SLC6A18: variants seen among roughly 807,000 people sequenced by gnomAD.
SLC6A18 encodes the protein solute carrier family 6 member 18, also known as inactive sodium-dependent neutral amino acid transporter B(0)AT3.
In SLC6A18, 58 loss-of-function variants were observed where a neutral mutation model predicts 62.9. The observed-to-expected ratio is 0.92, with a 90% CI of 0.75 to 1.15. The LOEUF (loss-of-function observed/expected upper bound fraction) is 1.15, where lower values mean the gene tolerates loss of function less well. Among genes scored for constraint, SLC6A18 ranks in the 50% most tolerant of loss-of-function variants. The pLI is 0.00. For synonymous variants in SLC6A18, 382 were observed against 365.8 expected, an observed-to-expected ratio of 1.04 and a Z score of -0.51; for missense variants, 793 against 836.6, an observed-to-expected ratio of 0.95 and a Z score of 0.64.
At chr5:1,244,175 C>CCACACCCAA in intron 9 of SLC6A18, 39 bp from the exon 10 acceptor site, 1 of 893,914 alleles carries the variant, frequency 1.1e-6, no homozygotes, top group Non-Finnish European at 1.8e-6. Context: ...CTCCACTCCC[C>CCACACCCAA]ATCCCCTTAC....
chr5:1,244,554 A>G, intron 10 of SLC6A18, 54 bp from the exon 11 acceptor site: 1 of 1,555,858 alleles, frequency 6.4e-7, no homozygotes, highest in Non-Finnish European at 8.7e-7. Flanking sequence ...CTCGGCTTGG[A>G]GTGGGTGGAC....
rs111592068 is a variant in SLC6A18 at position 1,243,823 on chromosome 5, C to T, written c.1336+64C>T. 3.2e-5 allele frequency: 46 copies of T among 1,454,840 alleles called. No homozygotes were observed. In the African/African-American group the frequency reaches 4.8e-4, roughly 15 times the overall value. 90.1% of individuals were successfully genotyped at this position (1,454,840 alleles called of 1,614,324 possible). On this transcript the variant is annotated intron_variant, in intron 9 of 11. Transcript: ENST00000324642. The surrounding 1 kb of genome is among the most constrained non-coding windows in gnomAD (Gnocchi z 6.5). ...CAGCATCTGACTGTCCACTCCCGCC[C>T]GCTGTCCAGACGCCCCTCCTGGATG... is the stretch of plus-strand genomic sequence containing the variant.
intron 1 of SLC6A18, among the ~76,000 whole-genome samples, chr5:1,230,265 C>A (rs1001836778): frequency 2.0e-5 from 3 of 152,140 alleles, no homozygotes; most frequent in African/African-American, 4.8e-5. Flanking sequence ...TTGGGGGTGT[C>A]CCCCCATTCA....
rs969695922 is a variant in SLC6A18, at chr5:1,243,933, G to T, written c.1336+174G>T. On this transcript the variant is annotated intron_variant, in intron 9 of 11. Coordinates refer to ENST00000324642, the MANE Select transcript of SLC6A18 (RefSeq NM_182632.3). This position sits in a 1 kb window ranked among gnomAD's most constrained non-coding sequence, Gnocchi z 6.5. The stretch of plus-strand genomic sequence containing the variant: ...GACAGCCATCAACGGAGAGCCGAGG[G>T]TCGAGGGAGGGTCAGGGCTGCCCCT... Among the ~76,000 whole-genome samples, 1 of 152,190 alleles carries T rather than the reference G, an allele frequency of 6.6e-6. No individual in the cohort carries two copies. The highest frequency in any genetic ancestry group is 6.5e-5 in the Admixed American group (1 of 15,286).
At chr5:1,232,075 A>C in intron 1 of SLC6A18, 144 bp from the exon 2 acceptor site, 2 of 710,858 alleles carry the variant, frequency 2.8e-6, no homozygotes, top group Non-Finnish European at 2.3e-6. Flanking sequence ...CAGTGCCCCA[A>C]GGGTGTCTCC....
chr5:1,244,171 T>TC (rs1747146970), intron 9 of SLC6A18, 43 bp from the exon 10 acceptor site: 533 of 588,388 alleles, frequency 9.1e-4, no homozygotes, highest in East Asian at 1.9e-3. Context: ...ACACCTCCAC[T>TC]CCCCATCCCC....
At position 1,243,572 on chromosome 5, in the gene SLC6A18, C is replaced by T. The variant is rs1391680152; in HGVS notation, c.1149C>T (p.Gly383=). ...DFLDKSASGP[G]LAFVVFTETD... is the part of the protein sequence containing the mutation. ...TATTGCAGAGTGCCTCGGGCCCGGG[C>T]CTGGCCTTCGTCGTCTTCACGGAGA... The change falls in exon 9 of 12, where the codon GGC becomes GGT. Residue 383 remains glycine, a synonymous_variant. Coordinates refer to ENST00000324642, the MANE Select transcript of SLC6A18 (RefSeq NM_182632.3). This position sits in a 1 kb window ranked among gnomAD's most constrained non-coding sequence, Gnocchi z 6.5. 2.5e-6 allele frequency: 4 copies of T among 1,613,610 alleles called. No individual in the cohort carries two copies. The highest frequency in any genetic ancestry group is 2.7e-5 in the African/African-American group (2 of 74,898).
In SLC6A18 at chr5:1,232,244, C is replaced by T. The variant is rs769250633; in HGVS notation, c.186C>T (p.Ile62=). The T allele has an allele frequency of 3.3e-5, 54 of 1,612,744 alleles. No homozygotes were observed. The highest frequency in any genetic ancestry group is 3.4e-4 in the Middle Eastern group (2 of 5,900). Residue 62 remains isoleucine (I), a synonymous_variant, in exon 2 of 12, where the codon ATC becomes ATT. Coordinates refer to ENST00000324642, the MANE Select transcript of SLC6A18 (RefSeq NM_182632.3). The part of the protein sequence containing the change: ...GGGAFLIPYV[I]ALVFEGIPIF... ...GGGCCTTCCTCATCCCCTACGTCAT[C>T]GCGCTGGTCTTCGAGGGGATCCCCA... is the stretch of plus-strand genomic sequence containing the variant.
intron 4 of SLC6A18, among the ~76,000 whole-genome samples, chr5:1,236,662 C>A (rs1363090808): frequency 6.6e-6 from 1 of 152,156 alleles, no homozygotes; most frequent in East Asian, 1.9e-4. Context: ...GTGCTCAGTC[C>A]ATGCACCCTG....
rs1179072001 is a variant in SLC6A18, at chr5:1,245,888, G to A, written c.1697G>A (p.Trp566Ter). The change falls in exon 12 of 12, where the codon TGG becomes TAG. Residue 566 changes from tryptophan (W) to a stop codon, truncating the protein, a stop_gained. Transcript: ENST00000324642. LOFTEE classifies it low-confidence loss of function (END_TRUNC). ...PSRQEKLYPGWARAACVLLSL... is the reference protein window; with the variant it reads ...PSRQEKLYPG ...CGTCAGGAGAAGCTCTACCCGGGCTGGGCGCGCGCCGCCTGTGTGCTGCTG... is the reference window on the plus strand; with the variant it reads ...CGTCAGGAGAAGCTCTACCCGGGCTAGGCGCGCGCCGCCTGTGTGCTGCTG... 6.2e-7 allele frequency: 1 copy of A among 1,608,190 alleles called. No homozygotes were observed.
In SLC6A18 at chr5:1,237,803, G is replaced by A; in HGVS notation, c.622-147G>A. 7 of 635,496 alleles carry A rather than the reference G, an allele frequency of 1.1e-5. No homozygotes were observed. In the South Asian group the frequency reaches 1.4e-4, roughly 12 times the overall value. The allele number at this position is 635,496 out of a possible 1,614,324, so 39.4% of individuals were successfully genotyped here. ...AGCCTGCACCCCACCATCCCCCAAG[G>A]TGCACCCCCATCCGTCCTGGTCAAT... On this transcript the variant is annotated intron_variant, in intron 4 of 11. Coordinates refer to ENST00000324642, the MANE Select transcript of SLC6A18 (RefSeq NM_182632.3).
At chr5:1,227,103 G>A (rs148387583) in intron 1 of SLC6A18, among the ~76,000 whole-genome samples, 4 of 77,200 alleles carry the variant, frequency 5.2e-5, no homozygotes, top group Admixed American at 1.2e-4. Flanking sequence ...GCCCGCCGAC[G>A]CCTTGCCCGC....
At chr5:1,234,198 T>C (rs1176603201) in intron 3 of SLC6A18, among the ~76,000 whole-genome samples, 5 of 152,236 alleles carry the variant, frequency 3.3e-5, no homozygotes, top group Non-Finnish European at 7.3e-5. Context: ...GTCGTATCTT[T>C]CAATGACTTG....
In SLC6A18 at chr5:1,232,087, C is replaced by T. The variant is rs1746743653; in HGVS notation, c.161-132C>T. The T allele has an allele frequency of 1.9e-5, 15 of 788,660 alleles. No individual in the cohort carries two copies. In the South Asian group the frequency reaches 2.1e-4, roughly 11 times the overall value. 48.9% of individuals were successfully genotyped at this position (788,660 alleles called of 1,614,324 possible). A position where few individuals can be genotyped will look rare whatever the true frequency, so the allele number is the denominator to read the frequency against. On this transcript the variant is annotated intron_variant, in intron 1 of 11. Coordinates refer to ENST00000324642, the MANE Select transcript of SLC6A18 (RefSeq NM_182632.3). ...CAACAGTGCCCCAAGGGTGTCTCCA[C>T]CACCCAAGTGGTGCCCCCAACATTC...
rs762916125 is a variant in SLC6A18, at chr5:1,241,870, G to A, written c.975-837G>A. Among the ~76,000 whole-genome samples, 8 of 152,246 alleles carry A rather than the reference G, an allele frequency of 5.3e-5. No individual in the cohort carries two copies. The highest frequency in any genetic ancestry group is 9.6e-5 in the African/African-American group (4 of 41,462). ...GATAAGGACCAGCCGTGCGCACAAC[G>A]CCCTGCGCCGTGCAGCCCAAGCTGG... On this transcript the variant is annotated intron_variant, in intron 7 of 11. Coordinates refer to ENST00000324642, the MANE Select transcript of SLC6A18 (RefSeq NM_182632.3). This position sits in a 1 kb window ranked among gnomAD's most constrained non-coding sequence, Gnocchi z 7.8.
chr5:1,237,103 G>A (rs931816781), intron 4 of SLC6A18, among the ~76,000 whole-genome samples: 5 of 151,572 alleles, frequency 3.3e-5, no homozygotes, highest in Non-Finnish European at 5.9e-5. Context: ...TTAGCCAGCC[G>A]TGGTGTTGGG....
chr5:1,228,125 T>C (rs370045443), intron 1 of SLC6A18, among the ~76,000 whole-genome samples: 12,645 of 152,330 alleles, frequency 0.083, 764 homozygotes, highest in Admixed American at 0.19. Context: ...AAGGCCTTTT[T>C]TTTTTATTCT....
At chr5:1,235,266 G>A (rs534114823) in intron 3 of SLC6A18, among the ~76,000 whole-genome samples, 30 of 152,214 alleles carry the variant, frequency 2.0e-4, no homozygotes, top group Non-Finnish European at 2.6e-4. Flanking sequence ...GTAAACCTTC[G>A]CAAAGTGGAG....
At chr5:1,233,873 C>T (rs1242141538) in intron 3 of SLC6A18, among the ~76,000 whole-genome samples, 1 of 152,002 alleles carries the variant, frequency 6.6e-6, no homozygotes, top group Non-Finnish European at 1.5e-5. Context: ...TCCCAAATAG[C>T]TAGGACTACA....
Sources: gnomAD v4.1 joint callset for allele counts (sites outside exome capture counted in the v4.1 genomes callset) on GRCh38, gnomAD v4.1.1 for gene constraint, Gnocchi (gnomAD v3.1) non-coding constraint, MANE v1.5 for transcripts, NCBI Gene and HGNC (gene_info 2026-07-23, HGNC 2026-07-21) for gene names.